Variants in CHD6 observed in about 807,000 individuals in gnomAD.
The protein encoded by CHD6 is ATP-dependent chromatin remodeler CHD6.
In CHD6, 50 loss-of-function variants were observed where a neutral mutation model predicts 276.9. That is an observed-to-expected ratio of 0.18 (90% confidence interval 0.14 to 0.23). The LOEUF (loss-of-function observed/expected upper bound fraction) is 0.23. Ranked by LOEUF, CHD6 falls within the 10% of genes least tolerant of loss-of-function variation. The probability of loss-of-function intolerance (pLI) is 1.00; values close to 1 mark genes in which losing one functional copy is unlikely to be tolerated. For missense variants in CHD6, 2,564 were observed against 3,365.8 expected (o/e 0.76, Z 5.89); for synonymous variants, 1,173 against 1,229.3 (o/e 0.95, Z 0.96).
rs147541334 is a variant in CHD6 at position 41,603,227 on chromosome 20, C to T, written c.-24+15113G>A. On this transcript the variant is annotated intron_variant, in intron 1 of 36. Transcript: ENST00000373233. ...AATTAGCTGGGTGAGTGGCAGGTGC[C>T]AGCAGTCCCAGCTCCGTGGGAGGCT... 2.9e-3 allele frequency among the ~76,000 whole-genome samples: 439 copies of T among 151,966 alleles called. 2 individuals carry two copies. Among genetic ancestry groups the T allele is most frequent in the African/African-American group, 9.8e-3 (406 of 41,456 alleles).
At position 41,405,111 on chromosome 20, in the gene CHD6, T is replaced by C; in HGVS notation, c.7630A>G (p.Thr2544Ala). 1 of 1,614,194 alleles carries C rather than the reference T, an allele frequency of 6.2e-7. No individual in the cohort carries two copies. Residue 2544 changes from threonine (T) to alanine (A), a missense_variant, in exon 37 of 37, where the codon ACC (threonine) becomes GCC (alanine). This residue lies in a region of CHD6 where 238 missense variants were observed against 266.0 expected (regional missense o/e 0.89). Coordinates refer to ENST00000373233, the MANE Select transcript of CHD6 (RefSeq NM_032221.5). ...GCCGGAGCAGTGGAAGTGCAGGTGGTTGCCATGGGTGGACTGAGGAGTCCC... is the reference window on the plus strand; with the variant it reads ...GCCGGAGCAGTGGAAGTGCAGGTGGCTGCCATGGGTGGACTGAGGAGTCCC... ...VGGLLSPPMATTCTSTAPASL... is the reference protein window; with the variant it reads ...VGGLLSPPMAATCTSTAPASL...
chr20:41,433,015 T>A (rs930744253), intron 27 of CHD6, among the ~76,000 whole-genome samples: 1 of 148,936 alleles, frequency 6.7e-6, no homozygotes, highest in Non-Finnish European at 1.5e-5. Flanking sequence ...AACAGCAGAA[T>A]GGTGGAGGAA....
intron 20 of CHD6, among the ~76,000 whole-genome samples, chr20:41,453,608 A>G (rs138081772): frequency 6.6e-4 from 100 of 152,040 alleles, no homozygotes; most frequent in African/African-American, 2.3e-3. Context: ...CCAGATAACA[A>G]ATGTCGTGTT....
intron 3 of CHD6, among the ~76,000 whole-genome samples, chr20:41,532,530 A>C (rs2044712761): frequency 6.6e-6 from 1 of 152,168 alleles, no homozygotes; most frequent in South Asian, 2.1e-4. Flanking sequence ...CTTCCCTTAC[A>C]CCCTGTGCAT....
chr20:41,565,189 T>C (rs2045342433), intron 1 of CHD6, among the ~76,000 whole-genome samples: 2 of 151,834 alleles, frequency 1.3e-5, no homozygotes, highest in African/African-American at 2.4e-5. Context: ...CTCTGCCTCC[T>C]AGATTCAAGC....
chr20:41,491,693 C>A lies in CHD6; in HGVS notation c.1436+5G>T. ...CAAACATCTGGGCTGGTTTTGGTTCCTTACCTGTTATACCAGTTAAAAAGA... is the reference window on the plus strand; with the variant it reads ...CAAACATCTGGGCTGGTTTTGGTTCATTACCTGTTATACCAGTTAAAAAGA... On this transcript the variant is annotated splice_donor_5th_base_variant and intron_variant, in intron 11 of 36. Transcript: ENST00000373233. 1 of 1,613,658 alleles carries A rather than the reference C, an allele frequency of 6.2e-7. No individual in the cohort carries two copies. Among genetic ancestry groups the A allele is most frequent in the South Asian group, 1.1e-5 (1 of 91,064 alleles).
chr20:41,511,493 T>C (rs1308353457), intron 5 of CHD6, among the ~76,000 whole-genome samples: 1 of 152,216 alleles, frequency 6.6e-6, no homozygotes, highest in Non-Finnish European at 1.5e-5. Context: ...TCTTCTTCCT[T>C]GACACTGCTG....
Position 41,473,756 on chromosome 20 carries a change from C to CA in CHD6, c.2469-240dup, listed in dbSNP as rs3215511. Among the ~76,000 whole-genome samples the CA allele has an allele frequency of 0.027, 3,975 of 149,430 alleles. 66 individuals carry two copies. Among genetic ancestry groups the CA allele is most frequent in the Admixed American group, 0.035 (529 of 15,014 alleles). On this transcript the variant is annotated intron_variant, in intron 16 of 36. Transcript: ENST00000373233. The surrounding 1 kb of genome is among the most constrained non-coding windows in gnomAD (Gnocchi z 4.1). ...AACAAAACAAAAAAACAAAACAAAG[C>CA]AAAAAAAAACCAGCTGTAAACTAAG...
At chr20:41,423,085 C>A (rs1425627528) in intron 30 of CHD6, among the ~76,000 whole-genome samples, 3 of 152,160 alleles carry the variant, frequency 2.0e-5, no homozygotes, top group Non-Finnish European at 4.4e-5. Context: ...CACTTACTTT[C>A]TATAGTTACA....
intron 1 of CHD6, among the ~76,000 whole-genome samples, chr20:41,557,466 G>A (rs1025775579): frequency 6.6e-6 from 1 of 151,360 alleles, no homozygotes; most frequent in African/African-American, 2.4e-5. Context: ...CTGCAACAGT[G>A]CCTGTGCCAT....
At chr20:41,534,238 G>A (rs1388173806) in intron 2 of CHD6, among the ~76,000 whole-genome samples, 1 of 152,210 alleles carries the variant, frequency 6.6e-6, no homozygotes, top group Non-Finnish European at 1.5e-5. Flanking sequence ...CTTAAGAAGA[G>A]CCTGGGAGGG....
chr20:41,532,902 C>T (rs2044723530), intron 3 of CHD6, 148 bp downstream of exon 3: 2 of 859,218 alleles, frequency 2.3e-6, no homozygotes, highest in Non-Finnish European at 1.7e-6. Flanking sequence ...AGGGGTTACC[C>T]CTGCTCCCCA....
chr20:41,449,892 A>T (rs1373685744), intron 23 of CHD6, among the ~76,000 whole-genome samples: 3 of 152,186 alleles, frequency 2.0e-5, no homozygotes, highest in African/African-American at 7.2e-5. Context: ...GTCTGCTTTT[A>T]GCTTAGATTT....
intron 1 of CHD6, among the ~76,000 whole-genome samples, chr20:41,567,051 G>A (rs922497653): frequency 5.9e-5 from 9 of 152,118 alleles, no homozygotes; most frequent in African/African-American, 2.2e-4. Flanking sequence ...AGTTGCTGCT[G>A]GGCTTGCACT....
At chr20:41,431,866 CAA>C (rs1189533354) in intron 27 of CHD6, among the ~76,000 whole-genome samples, 1 of 144,832 alleles carries the variant, frequency 6.9e-6, no homozygotes, top group Admixed American at 7.1e-5. Flanking sequence ...AAAAGGCCCT[CAA>C]AAAAAACCTT....
intron 26 of CHD6, 95 bp downstream of exon 26, chr20:41,439,905 T>C: frequency 7.6e-7 from 1 of 1,309,444 alleles, no homozygotes; most frequent in Non-Finnish European, 1.1e-6. Flanking sequence ...TGCCAGATGC[T>C]GAGGAAGAGA....
At chr20:41,565,257 G>A (rs779313194) in intron 1 of CHD6, among the ~76,000 whole-genome samples, 38 of 151,828 alleles carry the variant, frequency 2.5e-4, no homozygotes, top group Admixed American at 2.6e-4. Flanking sequence ...CACCACACCC[G>A]GCTAATTTTT....
chr20:41,519,075 A>C (rs1416299316), intron 3 of CHD6, among the ~76,000 whole-genome samples: 2 of 152,184 alleles, frequency 1.3e-5, no homozygotes, highest in Non-Finnish European at 2.9e-5. Flanking sequence ...TGAGCTCAGG[A>C]GTTCAAGACC....
intron 3 of CHD6, among the ~76,000 whole-genome samples, chr20:41,520,265 A>C (rs1263273460): frequency 6.6e-6 from 1 of 152,212 alleles, no homozygotes; most frequent in Non-Finnish European, 1.5e-5. Context: ...CAGTGTGGTG[A>C]TTCCTCAGGG....
Sources: allele counts gnomAD v4.1 joint callset (sites outside exome capture counted in the v4.1 genomes callset), GRCh38; gene constraint gnomAD v4.1.1; regional missense constraint gnomAD v4.1.1; non-coding constraint Gnocchi (gnomAD v3.1); transcripts MANE v1.5; gene names NCBI Gene and HGNC (gene_info 2026-07-23, HGNC 2026-07-21).